POLN: variants seen among roughly 807,000 people sequenced by gnomAD.
POLN encodes DNA polymerase nu, also known as DNA polymerase N.
Under a neutral mutation model 113.5 loss-of-function variants are expected in POLN, and 108 were observed. The ratio of observed to expected loss-of-function variants is 0.95; its 90% confidence interval spans 0.81 to 1.12. The LOEUF is 1.12. Among genes scored for constraint, POLN ranks in the 50% most tolerant of loss-of-function variants. The pLI, the probability that POLN is intolerant of heterozygous loss-of-function variation, is 0.00. For missense variants in POLN, 1,097 were observed against 1,077.1 expected, an observed-to-expected ratio of 1.02 and a Z score of -0.26; for synonymous variants, 386 against 391.5, an observed-to-expected ratio of 0.99 and a Z score of 0.17.
intron 16 of POLN, among the ~76,000 whole-genome samples, chr4:2,151,150 G>A (rs1424754749): frequency 1.3e-5 from 2 of 152,144 alleles, no homozygotes; most frequent in African/African-American, 4.8e-5. Flanking sequence ...TTTAAAATAC[G>A]CAGAAGGTAT....
intron 19 of POLN, among the ~76,000 whole-genome samples, chr4:2,115,327 C>G (rs1297534208): frequency 6.6e-6 from 1 of 151,560 alleles, no homozygotes; most frequent in Non-Finnish European, 1.5e-5. Flanking sequence ...CTCAGCCTCC[C>G]AAAGTGTTAG....
intron 19 of POLN, among the ~76,000 whole-genome samples, chr4:2,110,369 A>C (rs1731161357): frequency 6.6e-6 from 1 of 152,200 alleles, no homozygotes; most frequent in Non-Finnish European, 1.5e-5. Flanking sequence ...AGCTAGCAGA[A>C]GGCAAGAAAT....
chr4:2,166,754 C>T (rs1732738544), intron 13 of POLN, among the ~76,000 whole-genome samples: 1 of 152,084 alleles, frequency 6.6e-6, no homozygotes, highest in South Asian at 2.1e-4. Flanking sequence ...CACACACTGG[C>T]GACACTCAGC....
rs1733631715 is a variant in POLN at position 2,198,430 on chromosome 4, GT to G, written c.908+93del. 1.7e-5 allele frequency: 20 copies of G among 1,179,558 alleles called. No individual in the cohort carries two copies. The Admixed American group carries it at 5.5e-4, about 32-fold the overall frequency. 73.1% of individuals were successfully genotyped at this position (1,179,558 alleles called of 1,614,324 possible). On this transcript the variant is annotated intron_variant, in intron 6 of 25. Coordinates refer to ENST00000511885, the MANE Select transcript of POLN (RefSeq NM_181808.4). The stretch of plus-strand genomic sequence containing the variant: ...ATGTGCCCATACAAAACTTCTAAAA[GT>G]TTAAACTATTAAAACTGGACCTTGA...
chr4:2,135,921 A>G (rs536924306), intron 16 of POLN, among the ~76,000 whole-genome samples: 6 of 152,360 alleles, frequency 3.9e-5, no homozygotes, highest in African/African-American at 1.4e-4. Context: ...GGGAGGGGCT[A>G]GACTCCCCAT....
At chr4:2,148,615 C>T (rs1439588351) in intron 16 of POLN, among the ~76,000 whole-genome samples, 2 of 151,590 alleles carry the variant, frequency 1.3e-5, no homozygotes, top group Non-Finnish European at 2.9e-5. Flanking sequence ...TGCAGTGAGC[C>T]GAGATTGCAC....
At chr4:2,122,899 TC>T (rs566772169) in intron 19 of POLN, among the ~76,000 whole-genome samples, 1 of 152,020 alleles carries the variant, frequency 6.6e-6, no homozygotes, top group Non-Finnish European at 1.5e-5. Context: ...ACACCTGTAA[TC>T]CCAGCACTTT....
intron 21 of POLN, among the ~76,000 whole-genome samples, chr4:2,083,226 C>T (rs1003508406): frequency 6.6e-6 from 1 of 152,210 alleles, no homozygotes; most frequent in Non-Finnish European, 1.5e-5. Flanking sequence ...GCTCCCTCCT[C>T]TCTGACACTC....
chr4:2,079,649 A>T (rs1236149180), intron 23 of POLN: 4 of 970,870 alleles, frequency 4.1e-6, no homozygotes, highest in Non-Finnish European at 4.9e-6. Context: ...CAGTGGTGCG[A>T]TCTTGGCACA....
intron 16 of POLN, among the ~76,000 whole-genome samples, chr4:2,133,599 T>C (rs1731781963): frequency 6.6e-6 from 1 of 152,234 alleles, no homozygotes; most frequent in African/African-American, 2.4e-5. Context: ...AATTCCAGTA[T>C]ATGTACATAG....
chr4:2,157,288 A>G (rs957310103), intron 15 of POLN, among the ~76,000 whole-genome samples: 2 of 152,180 alleles, frequency 1.3e-5, no homozygotes, highest in Admixed American at 6.5e-5. Flanking sequence ...TCCTCAAATG[A>G]GTCCAGAACA....
Position 2,198,594 on chromosome 4 carries a change from A to T in POLN, c.838T>A (p.Cys280Ser), listed in dbSNP as rs371084255. The stretch of plus-strand genomic sequence containing the variant: ...GAGTGCTCTATTTGAATGTAGATGC[A>T]TGGATCATCTGACACAAAGCCCTCC... ...VLEGFVSDDP[C>S]IYIQIEHSAI... Residue 280 changes from cysteine to serine, a missense_variant, in exon 6 of 26, where the codon TGC becomes AGC. By Grantham distance (112) the Cys-to-Ser change is moderately radical. Transcript: ENST00000511885. The T allele has an allele frequency of 1.7e-5, 28 of 1,614,000 alleles. No homozygotes were observed. Among genetic ancestry groups the T allele is most frequent in the Non-Finnish European group, 2.0e-5 (24 of 1,179,994 alleles).
chr4:2,075,564 G>T (rs1730255559), intron 23 of POLN, 45 bp from the exon 24 acceptor site: 1 of 1,599,470 alleles, frequency 6.3e-7, no homozygotes, highest in Admixed American at 1.7e-5. Flanking sequence ...AGGACTGTGG[G>T]GCGTGGGCCA....
At chr4:2,229,855 A>C (rs1476000972) in intron 2 of POLN, 1 of 152,176 alleles carries the variant, frequency 6.6e-6, no homozygotes, top group African/African-American at 2.4e-5. Flanking sequence ...TAAATAAATA[A>C]ATCTTCAAAT....
intron 16 of POLN, among the ~76,000 whole-genome samples, chr4:2,143,816 A>G (rs951318163): frequency 1.3e-5 from 2 of 152,196 alleles, no homozygotes; most frequent in South Asian, 4.1e-4. Flanking sequence ...TTAAAAATAT[A>G]TGATCCAACA....
chr4:2,133,148 C>CAA (rs3045447), intron 16 of POLN, among the ~76,000 whole-genome samples: 55,770 of 140,564 alleles, frequency 0.4, 11,175 homozygotes, highest in Non-Finnish European at 0.42. Context: ...TAAAAAATGG[C>CAA]AAAAAAAAAA....
At chr4:2,185,198 G>A (rs1036087091) in intron 7 of POLN, among the ~76,000 whole-genome samples, 1 of 152,132 alleles carries the variant, frequency 6.6e-6, no homozygotes, top group Admixed American at 6.5e-5. Context: ...CCTGACAAAC[G>A]TATACAACAC....
chr4:2,128,981 G>A (rs1731654033), intron 18 of POLN, among the ~76,000 whole-genome samples, 198 bp downstream of exon 18: 1 of 151,272 alleles, frequency 6.6e-6, no homozygotes, highest in South Asian at 2.1e-4. Context: ...CTTGAACCCA[G>A]GAGGCAGAGG....
intron 2 of POLN, chr4:2,231,890 A>G (rs1209751206): frequency 3.4e-6 from 3 of 887,884 alleles, no homozygotes; most frequent in African/African-American, 3.4e-5. Flanking sequence ...AATAAATAAA[A>G]GAGGACACGT....
Sources: gnomAD v4.1 joint callset for allele counts (sites outside exome capture counted in the v4.1 genomes callset) on GRCh38, gnomAD v4.1.1 for gene constraint, MANE v1.5 for transcripts, NCBI Gene and HGNC (gene_info 2026-07-23, HGNC 2026-07-21) for gene names.